Variants in USP19 observed in about 807,000 individuals in gnomAD.
USP19 encodes the protein ubiquitin specific peptidase 19, also known as ubiquitin carboxyl-terminal hydrolase 19.
USP19 carries 40 observed loss-of-function variants against 144.8 expected under a neutral mutation model. The observed-to-expected ratio is 0.28, with a 90% CI of 0.21 to 0.36. The LOEUF (loss-of-function observed/expected upper bound fraction) is 0.36. Ranked by LOEUF, USP19 falls within the 10% of genes least tolerant of loss-of-function variation. USP19 has a pLI of 1.00. For missense variants in USP19, 1,518 were observed against 1,822.5 expected, an observed-to-expected ratio of 0.83 and a Z score of 3.04; for synonymous variants, 701 against 709.3, an observed-to-expected ratio of 0.99 and a Z score of 0.19.
chr3:49,115,787 G>C lies in USP19; in HGVS notation c.1629C>G (p.Asp543Glu), dbSNP rs370223074. Residue 543 changes from aspartate (D) to glutamate (E), a missense_variant, in exon 11 of 27, where the codon GAC (aspartate) becomes GAG (glutamate). Asp to Glu is a conservative substitution (Grantham distance 45). Coordinates refer to ENST00000417901, the MANE Select transcript of USP19 (RefSeq NM_001199161.2). The surrounding 1 kb of genome is among the most constrained non-coding windows in gnomAD (Gnocchi z 6.6). ...SKARSEDTGL[D>E]SVATRTPMEH... ...CCATGGGTGTGCGGGTTGCCACACT[G>C]TCTAGCCCTGTGTCCTCAGATCGTG... 2.2e-4 allele frequency: 355 copies of C among 1,614,006 alleles called. No homozygotes were observed. The highest frequency in any genetic ancestry group is 2.7e-4 in the Non-Finnish European group (323 of 1,179,970).
At position 49,116,722 on chromosome 3, in the gene USP19, T is replaced by C; in HGVS notation, c.1126+5A>G. Reference sequence around the variant, plus strand: ...AGGGCTCTGCCTGCCCACCCCCACCTTTACCATCCACCAAGGTTGCAGCAT... The same window carrying C: ...AGGGCTCTGCCTGCCCACCCCCACCCTTACCATCCACCAAGGTTGCAGCAT... On this transcript the variant is annotated splice_donor_5th_base_variant and intron_variant, in intron 7 of 26. Transcript: ENST00000417901. The surrounding 1 kb of genome is among the most constrained non-coding windows in gnomAD (Gnocchi z 5.0). 7.3e-7 allele frequency: 1 copy of C among 1,364,344 alleles called. No homozygotes were observed. Among genetic ancestry groups the C allele is most frequent in the Non-Finnish European group, 1.0e-6 (1 of 959,884 alleles). 84.5% of individuals were successfully genotyped at this position (1,364,344 alleles called of 1,614,324 possible). A position where few individuals can be genotyped will look rare whatever the true frequency, so the allele number is the denominator to read the frequency against.
chr3:49,115,174 C>T lies in USP19; in HGVS notation c.2022+54G>A, dbSNP rs1035950709. ...GCCCTAGCACCCACTGCACACCCAG[C>T]TGGCTGGCCCTCCCCGCCCCCTCCA... On this transcript the variant is annotated intron_variant, in intron 13 of 26. Transcript: ENST00000417901. The surrounding 1 kb of genome is among the most constrained non-coding windows in gnomAD (Gnocchi z 6.6). The T allele has an allele frequency of 1.2e-5, 19 of 1,612,668 alleles. No individual in the cohort carries two copies. The African/African-American group carries it at 2.4e-4, about 20-fold the overall frequency.
Position 49,110,520 on chromosome 3 carries a change from A to G in USP19, c.3783T>C (p.Tyr1261=). The part of the protein sequence containing the change: ...SYDLYAVINH[Y]GGMIGGHYTA... ...TGTAGTGGCCACCAATCATGCCTCC[A>G]TAGTGGTTGATGACAGCATATAGAT... Residue 1261 remains tyrosine, a synonymous_variant, in exon 25 of 27, where the codon TAT becomes TAC. Transcript: ENST00000417901. The surrounding 1 kb of genome is among the most constrained non-coding windows in gnomAD (Gnocchi z 6.1). 1.2e-6 allele frequency: 2 copies of G among 1,614,160 alleles called. No homozygotes were observed. Among genetic ancestry groups the G allele is most frequent in the African/African-American group, 1.3e-5 (1 of 75,044 alleles).
rs2043996654 is a variant in USP19, at chr3:49,115,806, G to A, written c.1610C>T (p.Ser537Phe). 6.2e-7 allele frequency: 1 copy of A among 1,613,996 alleles called. No homozygotes were observed. Among genetic ancestry groups the A allele is most frequent in the Non-Finnish European group, 8.5e-7 (1 of 1,179,962 alleles). The change falls in exon 11 of 27, where the codon TCT becomes TTT. Residue 537 changes from serine to phenylalanine, a missense_variant. By Grantham distance (155) the Ser-to-Phe change is radical. Around this residue, in one of 5 missense-constraint regions of USP19, gnomAD observed 707 missense variants for 728.9 expected, o/e 0.97. Transcript: ENST00000417901. This position sits in a 1 kb window ranked among gnomAD's most constrained non-coding sequence, Gnocchi z 6.6. ...CACACTGTCTAGCCCTGTGTCCTCA[G>A]ATCGTGCCTTGGATTTATCCTTCTC... is the stretch of plus-strand genomic sequence containing the variant. ...AVEKDKSKAR[S>F]EDTGLDSVAT...
chr3:49,111,239 C>T lies in USP19; in HGVS notation c.3328+16G>A, dbSNP rs1383233245. 6.2e-7 allele frequency: 1 copy of T among 1,614,160 alleles called. No homozygotes were observed. The highest frequency in any genetic ancestry group is 1.3e-5 in the African/African-American group (1 of 75,046). On this transcript the variant is annotated intron_variant, in intron 22 of 26. Coordinates refer to ENST00000417901, the MANE Select transcript of USP19 (RefSeq NM_001199161.2). The surrounding 1 kb of genome is among the most constrained non-coding windows in gnomAD (Gnocchi z 5.9). ...GCTCAACCCACCCCATGGCTCCCACCCACAGCCTCAGACACCTTTGTCCTC... is the reference window on the plus strand; with the variant it reads ...GCTCAACCCACCCCATGGCTCCCACTCACAGCCTCAGACACCTTTGTCCTC...
At position 49,117,606 on chromosome 3, in the gene USP19, A is replaced by T; in HGVS notation, c.473-36T>A. 2 of 1,614,050 alleles carry T rather than the reference A, an allele frequency of 1.2e-6. No homozygotes were observed. Among genetic ancestry groups the T allele is most frequent in the Non-Finnish European group, 1.7e-6 (2 of 1,179,968 alleles). The stretch of plus-strand genomic sequence containing the variant: ...AGCAGGGTCCATGAGGTAGGATAGG[A>T]GATATCAGAAGATTCAAACATACTA... On this transcript the variant is annotated intron_variant, in intron 4 of 26. Transcript: ENST00000417901. The surrounding 1 kb of genome is among the most constrained non-coding windows in gnomAD (Gnocchi z 4.4).
In USP19 at chr3:49,117,863, C is replaced by G; in HGVS notation, c.299-33G>C. 5 of 1,613,710 alleles carry G rather than the reference C, an allele frequency of 3.1e-6. No homozygotes were observed. Among genetic ancestry groups the G allele is most frequent in the Non-Finnish European group, 4.2e-6 (5 of 1,179,832 alleles). ...TGATAAGCAGGTAACAGAGACCCAG[C>G]CTAATGAAACTGCTTCAGATGGGAG... On this transcript the variant is annotated intron_variant, in intron 3 of 26. Coordinates refer to ENST00000417901, the MANE Select transcript of USP19 (RefSeq NM_001199161.2). This position sits in a 1 kb window ranked among gnomAD's most constrained non-coding sequence, Gnocchi z 4.4.
chr3:49,109,082 G>A (rs2042742076), intron 26 of USP19: 3 of 1,602,012 alleles, frequency 1.9e-6, no homozygotes, highest in Admixed American at 1.7e-5. Context: ...AGGGCCACGT[G>A]GTAGGGGGCC....
chr3:49,108,984 G>C lies in USP19; in HGVS notation c.4039-456C>G, dbSNP rs757256165. ...CATCTCCAGCGACTCTGGGATACCA[G>C]AGGATAGAACACGTTGAGCACGAGG... On this transcript the variant is annotated intron_variant, in intron 26 of 26. Coordinates refer to ENST00000417901, the MANE Select transcript of USP19 (RefSeq NM_001199161.2). This position sits in a 1 kb window ranked among gnomAD's most constrained non-coding sequence, Gnocchi z 4.8. 1 of 1,612,880 alleles carries C rather than the reference G, an allele frequency of 6.2e-7. No homozygotes were observed. Among genetic ancestry groups the C allele is most frequent in the African/African-American group, 1.3e-5 (1 of 74,898 alleles).
rs113262645 is a variant in USP19 at position 49,117,515 on chromosome 3, T to G, written c.528A>C (p.Lys176Asn). Residue 176 changes from lysine to asparagine, a missense_variant, in exon 5 of 27, where the codon AAA becomes AAC. Transcript: ENST00000417901. This position sits in a 1 kb window ranked among gnomAD's most constrained non-coding sequence, Gnocchi z 4.4. ...FYAEIKSSCA[K>N]VQTRKGSLLH... is the part of the protein sequence containing the mutation. ...GGAGACTGCCCTTGCGGGTTTGCAC[T>G]TTAGCACAAGAGCTTTTTATCTCAG... is the stretch of plus-strand genomic sequence containing the variant. The G allele has an allele frequency of 1.9e-6, 3 of 1,614,018 alleles. No homozygotes were observed. Among genetic ancestry groups the G allele is most frequent in the African/African-American group, 1.3e-5 (1 of 74,932 alleles).
chr3:49,111,316 T>C lies in USP19; in HGVS notation c.3267A>G (p.Thr1089=). The C allele has an allele frequency of 6.2e-7, 1 of 1,614,000 alleles. No homozygotes were observed. Among genetic ancestry groups the C allele is most frequent in the Non-Finnish European group, 8.5e-7 (1 of 1,179,994 alleles). ...CAATTTTATAGATGAAGAACTGGGG[T>C]GTGTGGGCATTCATAGCTTCACTTG... ...QHPSEAMNAH[T]PQFFIYKIDS... The change falls in exon 22 of 27, where the codon ACA becomes ACG. Residue 1089 remains threonine, a synonymous_variant. Transcript: ENST00000417901. This position sits in a 1 kb window ranked among gnomAD's most constrained non-coding sequence, Gnocchi z 5.9.
At position 49,114,081 on chromosome 3, in the gene USP19, C is replaced by T. The variant is rs192720246; in HGVS notation, c.2416G>A (p.Val806Ile). The stretch of plus-strand genomic sequence containing the variant: ...CTCGCAGTGGAGTTCTCCTTGCTGA[C>T]GCTCACCAGGAACTGTGGCAAAAAG... ...HSKPIKFLVS[V>I]SKENSTASEV... The change falls in exon 17 of 27, where the codon GTC becomes ATC. Residue 806 changes from valine to isoleucine, a missense_variant. Val to Ile is a conservative substitution (Grantham distance 29). Around this residue, in one of 5 missense-constraint regions of USP19, gnomAD observed 413 missense variants for 515.8 expected, o/e 0.80. Coordinates refer to ENST00000417901, the MANE Select transcript of USP19 (RefSeq NM_001199161.2). The surrounding 1 kb of genome is among the most constrained non-coding windows in gnomAD (Gnocchi z 4.5). 13 of 1,614,208 alleles carry T rather than the reference C, an allele frequency of 8.1e-6. No homozygotes were observed. The highest frequency in any genetic ancestry group is 2.2e-5 in the East Asian group (1 of 44,892).
chr3:49,113,790 C>G (rs1037006937), intron 17 of USP19, among the ~76,000 whole-genome samples: 1 of 152,078 alleles, frequency 6.6e-6, no homozygotes, highest in African/African-American at 2.4e-5. Flanking sequence ...GACAGTGTTT[C>G]ACCAAGTTGC....
chr3:49,114,650 C>T lies in USP19; in HGVS notation c.2292+113G>A. The T allele has an allele frequency of 8.5e-7, 1 of 1,179,220 alleles. No homozygotes were observed. Among genetic ancestry groups the T allele is most frequent in the Non-Finnish European group, 1.2e-6 (1 of 823,982 alleles). The allele number at this position is 1,179,220 out of a possible 1,614,324, so 73.0% of individuals were successfully genotyped here. A position where few individuals can be genotyped will look rare whatever the true frequency, so the allele number is the denominator to read the frequency against. On this transcript the variant is annotated intron_variant, in intron 15 of 26. Coordinates refer to ENST00000417901, the MANE Select transcript of USP19 (RefSeq NM_001199161.2). This position sits in a 1 kb window ranked among gnomAD's most constrained non-coding sequence, Gnocchi z 4.5. ...AATCCTAAGGCCTCCCTGCCAGCTTCTTTGCCCAAACCTTGCCCTGTAGCA... is the reference window on the plus strand; with the variant it reads ...AATCCTAAGGCCTCCCTGCCAGCTTTTTTGCCCAAACCTTGCCCTGTAGCA...
At position 49,115,042 on chromosome 3, in the gene USP19, G is replaced by C; in HGVS notation, c.2098C>G (p.Leu700Val). 6.2e-7 allele frequency: 1 copy of C among 1,614,196 alleles called. No homozygotes were observed. Among genetic ancestry groups the C allele is most frequent in the African/African-American group, 1.3e-5 (1 of 75,036 alleles). ...TTCAGGTCCTCGTGCAGCCCATCCA[G>C]CAGGAAAGCCATGAACTCCTGGGCA... is the stretch of plus-strand genomic sequence containing the variant. ...HDAQEFMAFL[L>V]DGLHEDLNRI... Residue 700 changes from leucine to valine, a missense_variant, in exon 14 of 27, where the codon CTG (leucine) becomes GTG (valine). Leu to Val is a conservative substitution (Grantham distance 32). Coordinates refer to ENST00000417901, the MANE Select transcript of USP19 (RefSeq NM_001199161.2). This position sits in a 1 kb window ranked among gnomAD's most constrained non-coding sequence, Gnocchi z 6.6.
At position 49,110,089 on chromosome 3, in the gene USP19, G is replaced by C; in HGVS notation, c.4038+95C>G. 1 of 1,364,246 alleles carries C rather than the reference G, an allele frequency of 7.3e-7. No individual in the cohort carries two copies. Among genetic ancestry groups the C allele is most frequent in the Non-Finnish European group, 9.6e-7 (1 of 1,040,950 alleles). The allele number at this position is 1,364,246 out of a possible 1,614,324, so 84.5% of individuals were successfully genotyped here. Reference sequence around the variant, plus strand: ...TCTCATGAATCCCAAGGCTCAATGGGCCTGTGGCTGGAGGAGAGGAAGCTA... The same window carrying C: ...TCTCATGAATCCCAAGGCTCAATGGCCCTGTGGCTGGAGGAGAGGAAGCTA... On this transcript the variant is annotated intron_variant, in intron 26 of 26. Transcript: ENST00000417901. This position sits in a 1 kb window ranked among gnomAD's most constrained non-coding sequence, Gnocchi z 6.1.
Position 49,111,803 on chromosome 3 carries a change from T to A in USP19, c.2914A>T (p.Ser972Cys), listed in dbSNP as rs182348428. 2.2e-5 allele frequency: 35 copies of A among 1,565,714 alleles called. No homozygotes were observed. The Admixed American group carries it at 6.1e-4, about 27-fold the overall frequency. The change falls in exon 21 of 27, where the codon AGT becomes TGT. Residue 972 changes from serine (S) to cysteine (C), a missense_variant. By Grantham distance (112) the Ser-to-Cys change is moderately radical. Transcript: ENST00000417901. This position sits in a 1 kb window ranked among gnomAD's most constrained non-coding sequence, Gnocchi z 5.9. ...GGCTGAAAGGGTGGCTGGAATACACTCACAGAGTACCTGGCAACAGAGAAC... is the reference window on the plus strand; with the variant it reads ...GGCTGAAAGGGTGGCTGGAATACACACACAGAGTACCTGGCAACAGAGAAC... ...LLEGYARYSV[S>C]VFQPPFQPGR... is the part of the protein sequence containing the mutation.
In USP19 at chr3:49,108,388, TCCCCCCCATCAG is replaced by T; in HGVS notation, c.*12_*23del. 1 of 1,023,150 alleles carries T rather than the reference TCCCCCCCATCAG, an allele frequency of 9.8e-7. No individual in the cohort carries two copies. Among genetic ancestry groups the T allele is most frequent in the Non-Finnish European group, 1.4e-6 (1 of 729,750 alleles). The allele number at this position is 1,023,150 out of a possible 1,614,324, so 63.4% of individuals were successfully genotyped here. ...CTCTGTGTGGGTGTCCCAAACCCAG[TCCCCCCCATCAG>T]CCAGGGACCTGCTAATCCACCTCCT... On this transcript the variant is annotated 3_prime_UTR_variant, in exon 27 of 27. Transcript: ENST00000417901. This position sits in a 1 kb window ranked among gnomAD's most constrained non-coding sequence, Gnocchi z 4.8.
chr3:49,117,774 C>T lies in USP19; in HGVS notation c.355G>A (p.Asp119Asn), dbSNP rs768147710. 5.0e-6 allele frequency: 8 copies of T among 1,614,190 alleles called. No individual in the cohort carries two copies. Among genetic ancestry groups the T allele is most frequent in the Admixed American group, 1.7e-5 (1 of 60,024 alleles). Residue 119 changes from aspartate (D) to asparagine (N), a missense_variant, in exon 4 of 27, where the codon GAT becomes AAT. Physicochemically the swap from Asp to Asn is conservative, Grantham distance 23. This residue lies in a region of USP19 where 707 missense variants were observed against 728.9 expected (regional missense o/e 0.97). Coordinates refer to ENST00000417901, the MANE Select transcript of USP19 (RefSeq NM_001199161.2). This position sits in a 1 kb window ranked among gnomAD's most constrained non-coding sequence, Gnocchi z 4.4. ...LATPTPELLL[D>N]WRQSAEEVIV... is the part of the protein sequence containing the mutation. The stretch of plus-strand genomic sequence containing the variant: ...ACCTCTTCTGCACTCTGCCTCCAAT[C>T]GAGCAACAACTCTGGAGTGGGAGTA...
Sources: allele counts gnomAD v4.1 joint callset (sites outside exome capture counted in the v4.1 genomes callset), GRCh38; gene constraint gnomAD v4.1.1; regional missense constraint gnomAD v4.1.1; non-coding constraint Gnocchi (gnomAD v3.1); transcripts MANE v1.5; gene names NCBI Gene and HGNC (gene_info 2026-07-23, HGNC 2026-07-21).